Variants in CNTNAP5 observed in about 807,000 individuals in gnomAD.
The protein encoded by CNTNAP5 is contactin associated protein family member 5, also known as contactin-associated protein-like 5.
A neutral mutation model predicts 150.2 loss-of-function variants in CNTNAP5; 72 were observed. That is an observed-to-expected ratio of 0.48 (90% CI 0.40 to 0.58). The LOEUF (loss-of-function observed/expected upper bound fraction) is 0.58. CNTNAP5 is among the 20% of genes least tolerant of loss of function. The pLI, the probability that CNTNAP5 is intolerant of heterozygous loss-of-function variation, is 0.00. For missense variants in CNTNAP5, 1,636 were observed against 1,626.2 expected (o/e 1.01, Z -0.10); for synonymous variants, 672 against 619.8 (o/e 1.08, Z -1.25).
intron 11 of CNTNAP5, among the ~76,000 whole-genome samples, chr2:124,605,965 C>G (rs1697098358): frequency 6.6e-6 from 1 of 151,824 alleles, no homozygotes; most frequent in Non-Finnish European, 1.5e-5. Flanking sequence ...TCTTTGTCCC[C>G]TCCCACATTT....
chr2:124,841,070 T>C (rs1310338543), intron 19 of CNTNAP5, among the ~76,000 whole-genome samples: 1 of 152,124 alleles, frequency 6.6e-6, no homozygotes, highest in East Asian at 1.9e-4. Flanking sequence ...TGGCTCAGCT[T>C]CCTGTTATGT....
intron 3 of CNTNAP5, among the ~76,000 whole-genome samples, chr2:124,407,009 A>G (rs1470633513): frequency 6.6e-6 from 1 of 152,154 alleles, no homozygotes; most frequent in Admixed American, 6.5e-5. Flanking sequence ...AGTTCCGTCC[A>G]TGTTGTTGCG....
chr2:124,035,093 T>C (rs1277824539), intron 1 of CNTNAP5, among the ~76,000 whole-genome samples: 2 of 147,842 alleles, frequency 1.4e-5, no homozygotes, highest in Non-Finnish European at 3.0e-5. Flanking sequence ...ACTTCTGAAA[T>C]ATTTTTGTTC....
chr2:124,770,072 G>A (rs1681157488), intron 16 of CNTNAP5, among the ~76,000 whole-genome samples: 1 of 152,096 alleles, frequency 6.6e-6, no homozygotes, highest in Non-Finnish European at 1.5e-5. Flanking sequence ...CTTTAATAAA[G>A]TTAAATAATA....
chr2:124,594,209 C>A (rs1357070250), intron 11 of CNTNAP5, among the ~76,000 whole-genome samples: 1 of 127,080 alleles, frequency 7.9e-6, no homozygotes, highest in African/African-American at 3.0e-5. Context: ...GAAGTCCTTG[C>A]CCACGCCTAT....
At chr2:124,095,680 C>A (rs1451974128) in intron 1 of CNTNAP5, among the ~76,000 whole-genome samples, 1 of 152,154 alleles carries the variant, frequency 6.6e-6, no homozygotes, top group African/African-American at 2.4e-5. Context: ...ATGAGTCTCT[C>A]TTCTGTTGCC....
chr2:124,336,365 G>A (rs1413927180), intron 3 of CNTNAP5, among the ~76,000 whole-genome samples: 1 of 151,998 alleles, frequency 6.6e-6, no homozygotes, highest in Non-Finnish European at 1.5e-5. Context: ...AATGTATAAA[G>A]CAGAGGTTTT....
intron 1 of CNTNAP5, among the ~76,000 whole-genome samples, chr2:124,053,436 A>G (rs558364595): frequency 6.6e-6 from 1 of 152,174 alleles, no homozygotes; most frequent in Admixed American, 6.5e-5. Flanking sequence ...ACGAGGACAA[A>G]GGTTTCTGTC....
chr2:124,860,155 T>C (rs1460746701), intron 19 of CNTNAP5, among the ~76,000 whole-genome samples: 1 of 97,950 alleles, frequency 1.0e-5, no homozygotes, highest in Non-Finnish European at 2.0e-5. Flanking sequence ...ATCGAGACCA[T>C]CCTGGCTAAC....
At chr2:124,557,367 T>G (rs1387176756) in intron 10 of CNTNAP5, among the ~76,000 whole-genome samples, 3 of 152,004 alleles carry the variant, frequency 2.0e-5, no homozygotes, top group Non-Finnish European at 4.4e-5. Context: ...TTGCCTGCCC[T>G]CTTTCCTACT....
At chr2:124,474,237 A>G (rs2104833175) in intron 6 of CNTNAP5, among the ~76,000 whole-genome samples, 1 of 152,222 alleles carries the variant, frequency 6.6e-6, no homozygotes, top group South Asian at 2.1e-4. Context: ...AAAACTATAT[A>G]GAACATTTGG....
intron 13 of CNTNAP5, among the ~76,000 whole-genome samples, chr2:124,726,395 T>C (rs145319244): frequency 1.3e-5 from 2 of 152,122 alleles, no homozygotes; most frequent in African/African-American, 4.8e-5. Context: ...TGTTTGGCAG[T>C]TCCCCCCTTT....
chr2:124,879,715 T>G (rs1677929269), intron 21 of CNTNAP5, among the ~76,000 whole-genome samples: 1 of 152,116 alleles, frequency 6.6e-6, no homozygotes. Flanking sequence ...AAACAGCAGC[T>G]ACTGTTAATA....
chr2:124,742,997 G>A (rs973606765), intron 13 of CNTNAP5, among the ~76,000 whole-genome samples: 1 of 152,144 alleles, frequency 6.6e-6, no homozygotes. Flanking sequence ...GGCCCCGGAA[G>A]CACAGTGCAT....
At chr2:124,273,458 A>T (rs534866425) in intron 3 of CNTNAP5, among the ~76,000 whole-genome samples, 2 of 152,152 alleles carry the variant, frequency 1.3e-5, no homozygotes, top group African/African-American at 4.8e-5. Flanking sequence ...AGCTGACTTA[A>T]TGAGTTTTTC....
chr2:124,855,226 G>T (rs1186969021), intron 19 of CNTNAP5, among the ~76,000 whole-genome samples: 1 of 139,680 alleles, frequency 7.2e-6, no homozygotes, highest in Non-Finnish European at 1.5e-5. Context: ...TGACCAAGCT[G>T]GAGTGCAATG....
At chr2:124,056,137 T>A (rs1388761478) in intron 1 of CNTNAP5, among the ~76,000 whole-genome samples, 1 of 152,234 alleles carries the variant, frequency 6.6e-6, no homozygotes, top group Non-Finnish European at 1.5e-5. Context: ...TTACATGCAG[T>A]GCTGTTATTC....
chr2:124,217,606 C>T (rs1008969569), intron 1 of CNTNAP5, among the ~76,000 whole-genome samples: 1 of 152,204 alleles, frequency 6.6e-6, no homozygotes, highest in Non-Finnish European at 1.5e-5. Context: ...CCCTCCACTT[C>T]ACCTTATCCT....
At chr2:124,444,396 C>G (rs1692755165) in intron 5 of CNTNAP5, among the ~76,000 whole-genome samples, 1 of 152,152 alleles carries the variant, frequency 6.6e-6, no homozygotes, top group African/African-American at 2.4e-5. Context: ...GAGTTCAAGA[C>G]CAGCCGGGTC....
Sources: allele counts gnomAD v4.1 joint callset (sites outside exome capture counted in the v4.1 genomes callset), GRCh38; gene constraint gnomAD v4.1.1; transcripts MANE v1.5; gene names NCBI Gene and HGNC (gene_info 2026-07-23, HGNC 2026-07-21).